Variants in FOXP2 observed in about 807,000 individuals in gnomAD.
The protein encoded by FOXP2 is forkhead box protein P2.
FOXP2 carries 12 observed loss-of-function variants against 115.8 expected under a neutral mutation model. The ratio of observed to expected loss-of-function variants is 0.10; its 90% CI spans 0.07 to 0.17. FOXP2 has a LOEUF of 0.17. FOXP2 is among the 10% of genes least tolerant of loss of function. The pLI, the probability that FOXP2 is intolerant of heterozygous loss-of-function variation, is 1.00. For synonymous variants in FOXP2, 328 were observed against 297.7 expected (o/e 1.10, Z -1.05); for missense variants, 629 against 843.5 (o/e 0.75, Z 3.15).
chr7:114,632,687 T>C (rs1011791507), intron 6 of FOXP2, among the ~76,000 whole-genome samples: 4 of 152,160 alleles, frequency 2.6e-5, no homozygotes, highest in Non-Finnish European at 5.9e-5. Flanking sequence ...AATTAATGTC[T>C]CTTTGGCTTT....
At chr7:114,320,184 G>T (rs1237693947) in intron 2 of FOXP2, among the ~76,000 whole-genome samples, 1 of 152,292 alleles carries the variant, frequency 6.6e-6, no homozygotes, top group African/African-American at 2.4e-5. Flanking sequence ...GCTGTATACT[G>T]CTTGCACTGG....
chr7:114,447,190 A>G (rs1177704824), intron 2 of FOXP2, among the ~76,000 whole-genome samples: 1 of 151,938 alleles, frequency 6.6e-6, no homozygotes, highest in Non-Finnish European at 1.5e-5. Flanking sequence ...ATATCTTTTG[A>G]TTTTGCTGCT....
intron 3 of FOXP2, among the ~76,000 whole-genome samples, chr7:114,624,429 T>C (rs1408050766): frequency 6.6e-6 from 1 of 151,900 alleles, no homozygotes; most frequent in African/African-American, 2.4e-5. Flanking sequence ...ATGTCATCTA[T>C]AGATTGTGAC....
chr7:114,375,404 A>G (rs950727505), intron 2 of FOXP2, among the ~76,000 whole-genome samples: 2 of 152,210 alleles, frequency 1.3e-5, no homozygotes, highest in Non-Finnish European at 1.5e-5. Context: ...TTAATGCAGT[A>G]GCTAGAATAT....
At chr7:114,641,769 TTTTA>T (rs1472701435) in intron 6 of FOXP2, among the ~76,000 whole-genome samples, 4 of 151,792 alleles carry the variant, frequency 2.6e-5, no homozygotes, top group Non-Finnish European at 5.9e-5. Context: ...ATAGTTCAAT[TTTTA>T]TTTGTATTTA....
At chr7:114,107,631 C>T (rs1472450840) in intron 1 of FOXP2, among the ~76,000 whole-genome samples, 1 of 151,882 alleles carries the variant, frequency 6.6e-6, no homozygotes, top group Admixed American at 6.6e-5. Context: ...AAAGGTTTGG[C>T]AAGTGATACA....
In FOXP2 at chr7:114,314,054, A is replaced by G. The variant is rs190426247; in HGVS notation, c.-11+25945A>G. 7.1e-3 allele frequency among the ~76,000 whole-genome samples: 1,085 copies of G among 152,010 alleles called. 4 individuals are homozygous for G. The highest frequency in any genetic ancestry group is 0.011 in the Non-Finnish European group (754 of 67,928). On this transcript the variant is annotated intron_variant, in intron 2 of 17. Transcript: ENST00000634411. ...CAGAAAGCAGAACCAAAAAGAATAG[A>G]AAAGAACAGAATAAAATGGAAAATA...
chr7:114,171,842 C>T (rs1793150189), intron 1 of FOXP2, among the ~76,000 whole-genome samples: 1 of 152,160 alleles, frequency 6.6e-6, no homozygotes, highest in South Asian at 2.1e-4. Context: ...TAAAAACATT[C>T]ATAGTTCATG....
chr7:114,128,915 A>G (rs1791798514), intron 1 of FOXP2, among the ~76,000 whole-genome samples: 1 of 152,160 alleles, frequency 6.6e-6, no homozygotes, highest in Non-Finnish European at 1.5e-5. Flanking sequence ...CTTCATAGCA[A>G]CTTTAGCCTT....
intron 2 of FOXP2, among the ~76,000 whole-genome samples, chr7:114,448,969 T>A (rs958373024): frequency 2.6e-5 from 4 of 152,100 alleles, no homozygotes; most frequent in Non-Finnish European, 1.5e-5. Context: ...ACAAATTGCA[T>A]ATTTTAGCCA....
At chr7:114,369,058 C>A (rs1044356859) in intron 2 of FOXP2, among the ~76,000 whole-genome samples, 4 of 152,194 alleles carry the variant, frequency 2.6e-5, no homozygotes, top group African/African-American at 9.6e-5. Flanking sequence ...CATGTTGTTT[C>A]TGGCTGCTAG....
intron 2 of FOXP2, among the ~76,000 whole-genome samples, chr7:114,448,064 T>G (rs999343984): frequency 6.6e-6 from 1 of 152,170 alleles, no homozygotes; most frequent in African/African-American, 2.4e-5. Context: ...GTGGCCAAGT[T>G]CATTGCAACG....
chr7:114,505,065 A>T (rs1797744175), intron 2 of FOXP2, among the ~76,000 whole-genome samples: 1 of 151,536 alleles, frequency 6.6e-6, no homozygotes, highest in African/African-American at 2.4e-5. Flanking sequence ...CATATCCTCA[A>T]ACATAGTTCT....
intron 1 of FOXP2, among the ~76,000 whole-genome samples, chr7:114,423,317 G>A (rs1221307004): frequency 6.6e-6 from 1 of 151,630 alleles, no homozygotes; most frequent in African/African-American, 2.4e-5. Context: ...TCAGTTTAAT[G>A]TTTCAAAAGG....
At chr7:114,144,465 G>C (rs1792308539) in intron 1 of FOXP2, among the ~76,000 whole-genome samples, 2 of 151,942 alleles carry the variant, frequency 1.3e-5, no homozygotes, top group Non-Finnish European at 2.9e-5. Context: ...TTTTACATAT[G>C]TAAATATGAG....
At chr7:114,514,086 TACACACACAC>T (rs141664873) in intron 2 of FOXP2, among the ~76,000 whole-genome samples, 41,044 of 148,378 alleles carry the variant, frequency 0.28, 5,952 homozygotes, top group African/African-American at 0.37. Context: ...TTGTATCTTA[TACACACACAC>T]ACACACACAC....
intron 1 of FOXP2, among the ~76,000 whole-genome samples, chr7:114,285,047 G>A (rs983532934): frequency 2.0e-5 from 3 of 152,066 alleles, no homozygotes; most frequent in Non-Finnish European, 4.4e-5. Flanking sequence ...GGTGGGAGGA[G>A]GGGGAGGATT....
chr7:114,384,976 A>G (rs1334210306), intron 2 of FOXP2, among the ~76,000 whole-genome samples: 1 of 150,258 alleles, frequency 6.7e-6, no homozygotes, highest in Non-Finnish European at 1.5e-5. Flanking sequence ...AATAGGGCAC[A>G]CTTTTTTTTT....
intron 2 of FOXP2, among the ~76,000 whole-genome samples, chr7:114,494,633 T>C (rs1797227283): frequency 6.6e-6 from 1 of 152,160 alleles, no homozygotes; most frequent in Admixed American, 6.6e-5. Flanking sequence ...TTTTATAGAA[T>C]ATCAGAACAT....
Sources: allele counts gnomAD v4.1 joint callset (sites outside exome capture counted in the v4.1 genomes callset), GRCh38; gene constraint gnomAD v4.1.1; transcripts MANE v1.5; gene names NCBI Gene and HGNC (gene_info 2026-07-23, HGNC 2026-07-21).